ADAM21: variants seen among roughly 807,000 people sequenced by gnomAD.
ADAM21 encodes the protein disintegrin and metalloproteinase domain-containing protein 21.
For synonymous variants in ADAM21, 262 were observed against 306.0 expected, an observed-to-expected ratio of 0.86 and a Z score of 1.50; for missense variants, 678 against 874.4, an observed-to-expected ratio of 0.78 and a Z score of 2.83.
At position 70,459,740 on chromosome 14, in the gene ADAM21, T is replaced by C; in HGVS notation, c.*72T>C. On this transcript the variant is annotated 3_prime_UTR_variant, in exon 2 of 2. Transcript: ENST00000603540. ...TCTTGGCAGTAGAAACATTAGTACA[T>C]CCCTGAAACTGAGCACATTTCTGAC... The C allele has an allele frequency of 2.0e-6, 3 of 1,525,996 alleles. No homozygotes were observed. The highest frequency in any genetic ancestry group is 2.7e-6 in the Non-Finnish European group (3 of 1,130,122). The allele number at this position is 1,525,996 out of a possible 1,614,324, so 94.5% of individuals were successfully genotyped here. A position where few individuals can be genotyped will look rare whatever the true frequency, so the allele number is the denominator to read the frequency against.
At chr14:70,454,098 T>C (rs140939149) in intron 1 of ADAM21, among the ~76,000 whole-genome samples, 2 of 152,172 alleles carry the variant, frequency 1.3e-5, no homozygotes, top group Non-Finnish European at 2.9e-5. Flanking sequence ...GCTGGCACTA[T>C]ACATAAATGA....
rs768688669 is a variant in ADAM21 at position 70,459,714 on chromosome 14, C to A, written c.*46C>A. On this transcript the variant is annotated 3_prime_UTR_variant, in exon 2 of 2. Transcript: ENST00000603540. ...ATTCCATGCATTAGTACACTTTAGT[C>A]TCTTGGCAGTAGAAACATTAGTACA... 54 of 1,587,540 alleles carry A rather than the reference C, an allele frequency of 3.4e-5. No homozygotes were observed. The highest frequency in any genetic ancestry group is 3.9e-5 in the Non-Finnish European group (46 of 1,167,198).
At chr14:70,455,352 CTT>C (rs1889089948) in intron 1 of ADAM21, among the ~76,000 whole-genome samples, 1 of 152,062 alleles carries the variant, frequency 6.6e-6, no homozygotes, top group South Asian at 2.1e-4. Flanking sequence ...TAGCACCTAC[CTT>C]CATCAATATG....
chr14:70,458,671 G>A lies in ADAM21; in HGVS notation c.1172G>A (p.Gly391Glu), dbSNP rs756379505. Residue 391 changes from glycine (G) to glutamate (E), a missense_variant, in exon 2 of 2, where the codon GGA becomes GAA. Coordinates refer to ENST00000603540, the MANE Select transcript of ADAM21 (RefSeq NM_003813.4). ...ADFMKTTLNQ[G>E]SCLHNPPRLG... ...TTTATGAAGACCACCTTAAACCAGGGATCATGTCTGCATAATCCTCCAAGA... is the reference window on the plus strand; with the variant it reads ...TTTATGAAGACCACCTTAAACCAGGAATCATGTCTGCATAATCCTCCAAGA... The A allele has an allele frequency of 2.5e-6, 4 of 1,613,924 alleles. No individual in the cohort carries two copies. Among genetic ancestry groups the A allele is most frequent in the East Asian group, 4.5e-5 (2 of 44,862 alleles).
chr14:70,458,981 C>A lies in ADAM21; in HGVS notation c.1482C>A (p.Ile494=). The A allele has an allele frequency of 1.2e-6, 2 of 1,614,050 alleles. No homozygotes were observed. The highest frequency in any genetic ancestry group is 8.5e-7 in the Non-Finnish European group (1 of 1,180,010). The change falls in exon 2 of 2, where the codon ATC becomes ATA. Residue 494 remains isoleucine (I), a synonymous_variant. Transcript: ENST00000603540. ...CPEDRYVQDG[I]PCSDSAYCYQ... ...AAGATAGATATGTGCAGGACGGGAT[C>A]CCCTGTAGTGACAGTGCCTACTGCT...
Position 70,459,151 on chromosome 14 carries a change from T to C in ADAM21, c.1652T>C (p.Leu551Pro), listed in dbSNP as rs763722662. The change falls in exon 2 of 2, where the codon CTA becomes CCA. Residue 551 changes from leucine (L) to proline (P), a missense_variant. Physicochemically the swap from Leu to Pro is moderately conservative, Grantham distance 98 (BLOSUM62 -3). Coordinates refer to ENST00000603540, the MANE Select transcript of ADAM21 (RefSeq NM_003813.4). Reference protein sequence around the residue: ...GHCGINGTTYLKCHISDVFCG... With the variant: ...GHCGINGTTYPKCHISDVFCG... Reference sequence around the variant, plus strand: ...TGTGGTATAAATGGCACAACATACCTAAAATGTCATATCTCTGATGTCTTT... The same window carrying C: ...TGTGGTATAAATGGCACAACATACCCAAAATGTCATATCTCTGATGTCTTT... The C allele has an allele frequency of 2.4e-5, 38 of 1,613,328 alleles. No individual in the cohort carries two copies. Among genetic ancestry groups the C allele is most frequent in the Non-Finnish European group, 3.2e-5 (38 of 1,179,636 alleles).
Position 70,459,525 on chromosome 14 carries a change from G to A in ADAM21, c.2026G>A (p.Ala676Thr). Residue 676 changes from alanine to threonine, a missense_variant, in exon 2 of 2, where the codon GCA (alanine) becomes ACA (threonine). Ala to Thr is a moderately conservative substitution (Grantham distance 58, BLOSUM62 0). Coordinates refer to ENST00000603540, the MANE Select transcript of ADAM21 (RefSeq NM_003813.4). ...TGGGGGCAGTATTGACAGTGGCCCA[G>A]CATCTGCAAAGAGAGGAGTTTTTTT... ...GYGGSIDSGP[A>T]SAKRGVFLPL... 1 of 1,614,194 alleles carries A rather than the reference G, an allele frequency of 6.2e-7. No individual in the cohort carries two copies. Among genetic ancestry groups the A allele is most frequent in the South Asian group, 1.1e-5 (1 of 91,086 alleles).
At chr14:70,453,976 A>G (rs1889072996) in intron 1 of ADAM21, among the ~76,000 whole-genome samples, 1 of 152,244 alleles carries the variant, frequency 6.6e-6, no homozygotes. Context: ...CCACATAGCC[A>G]GTCTAGGACA....
chr14:70,459,142 C>T lies in ADAM21; in HGVS notation c.1643C>T (p.Thr548Ile), dbSNP rs1386427553. Residue 548 changes from threonine (T) to isoleucine (I), a missense_variant, in exon 2 of 2, where the codon ACA becomes ATA. Transcript: ENST00000603540. ...TTTGGTCACTGTGGTATAAATGGCA[C>T]AACATACCTAAAATGTCATATCTCT... The part of the protein sequence containing the change: ...NRFGHCGING[T>I]TYLKCHISDV... 6.2e-7 allele frequency: 1 copy of T among 1,613,180 alleles called. No individual in the cohort carries two copies. The highest frequency in any genetic ancestry group is 1.1e-5 in the South Asian group (1 of 90,952).
Position 70,459,228 on chromosome 14 carries a change from C to T in ADAM21, c.1729C>T (p.His577Tyr), listed in dbSNP as rs761547565. The change falls in exon 2 of 2, where the codon CAT (histidine) becomes TAT (tyrosine). Residue 577 changes from histidine (H) to tyrosine (Y), a missense_variant. His to Tyr is a moderately conservative substitution (Grantham distance 83). Transcript: ENST00000603540. ...NVRDIPLLQD[H>Y]FTLQHTHING... Reference sequence around the variant, plus strand: ...GAGAGACATTCCTCTTCTCCAAGATCATTTTACTTTGCAGCACACTCATAT... The same window carrying T: ...GAGAGACATTCCTCTTCTCCAAGATTATTTTACTTTGCAGCACACTCATAT... 9 of 1,613,926 alleles carry T rather than the reference C, an allele frequency of 5.6e-6. No homozygotes were observed. In the South Asian group the frequency reaches 8.8e-5, roughly 16 times the overall value.
At chr14:70,454,396 T>C (rs1889078138) in intron 1 of ADAM21, among the ~76,000 whole-genome samples, 1 of 152,004 alleles carries the variant, frequency 6.6e-6, no homozygotes, top group South Asian at 2.1e-4. Flanking sequence ...CCACCCCCCA[T>C]TCCCCGACAA....
Position 70,459,211 on chromosome 14 carries a change from T to G in ADAM21, c.1712T>G (p.Ile571Ser). 6.2e-7 allele frequency: 1 copy of G among 1,614,112 alleles called. No individual in the cohort carries two copies. Among genetic ancestry groups the G allele is most frequent in the East Asian group, 2.2e-5 (1 of 44,888 alleles). ...GRVQCENVRDIPLLQDHFTLQ... is the reference protein window; with the variant it reads ...GRVQCENVRDSPLLQDHFTLQ... ...GTTCAATGTGAGAATGTGAGAGACA[T>G]TCCTCTTCTCCAAGATCATTTTACT... The change falls in exon 2 of 2, where the codon ATT (isoleucine) becomes AGT (serine). Residue 571 changes from isoleucine (I) to serine (S), a missense_variant. By Grantham distance (142) the Ile-to-Ser change is moderately radical (BLOSUM62 -2). Coordinates refer to ENST00000603540, the MANE Select transcript of ADAM21 (RefSeq NM_003813.4).
chr14:70,455,435 G>A (rs1280367200), intron 1 of ADAM21, among the ~76,000 whole-genome samples: 1 of 152,118 alleles, frequency 6.6e-6, no homozygotes, highest in Non-Finnish European at 1.5e-5. Flanking sequence ...CCCACTTTAA[G>A]AAAAATAATA....
rs1232726512 is a variant in ADAM21, at chr14:70,458,331, G to A, written c.832G>A (p.Asp278Asn). The change falls in exon 2 of 2, where the codon GAT becomes AAT. Residue 278 changes from aspartate (D) to asparagine (N), a missense_variant. Transcript: ENST00000603540. ...GACAAGCATAGAACAGGTCCTGAACGATTTCTCTCAATGGAAACAAATCAG... is the reference window on the plus strand; with the variant it reads ...GACAAGCATAGAACAGGTCCTGAACAATTTCTCTCAATGGAAACAAATCAG... Reference protein sequence around the residue: ...PMTSIEQVLNDFSQWKQISLS... With the variant: ...PMTSIEQVLNNFSQWKQISLS... 8.1e-6 allele frequency: 13 copies of A among 1,614,116 alleles called. No homozygotes were observed. The highest frequency in any genetic ancestry group is 1.1e-5 in the South Asian group (1 of 91,078).
chr14:70,455,890 T>C (rs1201750232), intron 1 of ADAM21, among the ~76,000 whole-genome samples: 1 of 152,154 alleles, frequency 6.6e-6, no homozygotes. Flanking sequence ...GTTTGAGATT[T>C]TTCTTGTATA....
At position 70,458,827 on chromosome 14, in the gene ADAM21, G is replaced by C. The variant is rs766491569; in HGVS notation, c.1328G>C (p.Gly443Ala). The change falls in exon 2 of 2, where the codon GGG becomes GCG. Residue 443 changes from glycine to alanine, a missense_variant. By Grantham distance (60) the Gly-to-Ala change is moderately conservative. Coordinates refer to ENST00000603540, the MANE Select transcript of ADAM21 (RefSeq NM_003813.4). The stretch of plus-strand genomic sequence containing the variant: ...CTGTTGAACTGCACTCTAAGGCCTG[G>C]GGCTGCCTGTGCTTTTGGGCTTTGT... ...CCLLNCTLRP[G>A]AACAFGLCCK... 1 of 1,614,156 alleles carries C rather than the reference G, an allele frequency of 6.2e-7. No individual in the cohort carries two copies. The highest frequency in any genetic ancestry group is 8.5e-7 in the Non-Finnish European group (1 of 1,180,024).
chr14:70,459,320 G>A lies in ADAM21; in HGVS notation c.1821G>A (p.Val607=), dbSNP rs1461279396. 6.2e-7 allele frequency: 1 copy of A among 1,614,212 alleles called. No individual in the cohort carries two copies. Among genetic ancestry groups the A allele is most frequent in the South Asian group, 1.1e-5 (1 of 91,086 alleles). The change falls in exon 2 of 2, where the codon GTG becomes GTA. Residue 607 remains valine (V), a synonymous_variant. Coordinates refer to ENST00000603540, the MANE Select transcript of ADAM21 (RefSeq NM_003813.4). Reference sequence around the variant, plus strand: ...TGAACATATCTGACATTGGTGAAGTGAAAGATGGTACTGTGTGTGGCCCAG... The same window carrying A: ...TGAACATATCTGACATTGGTGAAGTAAAAGATGGTACTGTGTGTGGCCCAG... ...LRMNISDIGE[V]KDGTVCGPGK...
In ADAM21 at chr14:70,459,372, G is replaced by C. The variant is rs376872606; in HGVS notation, c.1873G>C (p.Val625Leu). The C allele has an allele frequency of 8.1e-6, 13 of 1,614,240 alleles. No homozygotes were observed. Among genetic ancestry groups the C allele is most frequent in the Non-Finnish European group, 1.1e-5 (13 of 1,180,038 alleles). Residue 625 changes from valine to leucine, a missense_variant, in exon 2 of 2, where the codon GTC becomes CTC. Val to Leu is a conservative substitution (Grantham distance 32). Coordinates refer to ENST00000603540, the MANE Select transcript of ADAM21 (RefSeq NM_003813.4). ...AAAGATCTGCATCCATAAGAAGTGT[G>C]TCAGTCTGTCTGTCTTGTCACATGT... ...PGKICIHKKC[V>L]SLSVLSHVCL...
In ADAM21 at chr14:70,458,894, A is replaced by C; in HGVS notation, c.1395A>C (p.Arg465Ser). ...CKFMPSGELC[R>S]QEVNECDLPE... ...TCATGCCATCAGGGGAACTCTGTAGACAAGAGGTCAATGAATGTGACCTTC... is the reference window on the plus strand; with the variant it reads ...TCATGCCATCAGGGGAACTCTGTAGCCAAGAGGTCAATGAATGTGACCTTC... The change falls in exon 2 of 2, where the codon AGA (arginine) becomes AGC (serine). Residue 465 changes from arginine to serine, a missense_variant. Physicochemically the swap from Arg to Ser is moderately radical, Grantham distance 110. Coordinates refer to ENST00000603540, the MANE Select transcript of ADAM21 (RefSeq NM_003813.4). The C allele has an allele frequency of 1.9e-6, 3 of 1,614,164 alleles. No individual in the cohort carries two copies. The highest frequency in any genetic ancestry group is 2.5e-6 in the Non-Finnish European group (3 of 1,180,034).
Sources: allele counts gnomAD v4.1 joint callset (sites outside exome capture counted in the v4.1 genomes callset), GRCh38; gene constraint gnomAD v4.1.1; transcripts MANE v1.5; gene names NCBI Gene and HGNC (gene_info 2026-07-23, HGNC 2026-07-21).